Variants in BCO1 observed in about 807,000 individuals in gnomAD.
The protein encoded by BCO1 is beta,beta-carotene 15,15'-dioxygenase.
A neutral mutation model predicts 56.3 loss-of-function variants in BCO1; 54 were observed. The ratio of observed to expected loss-of-function variants is 0.96; its 90% CI spans 0.77 to 1.20. The LOEUF (loss-of-function observed/expected upper bound fraction) is 1.20, where lower values mean the gene tolerates loss of function less well. Ranked by LOEUF, BCO1 falls within the 50% of genes most tolerant of loss-of-function variation. BCO1 has a pLI of 0.00. For synonymous variants in BCO1, 318 were observed against 266.1 expected, an observed-to-expected ratio of 1.20 and a Z score of -1.90; for missense variants, 801 against 690.9, an observed-to-expected ratio of 1.16 and a Z score of -1.79.
chr16:81,260,894 G>A (rs958618171), intron 3 of BCO1, among the ~76,000 whole-genome samples: 1 of 152,188 alleles, frequency 6.6e-6, no homozygotes, highest in Non-Finnish European at 1.5e-5. Context: ...AGGGAATCAG[G>A]CCTGCCATCA....
At chr16:81,270,032 G>C in intron 6 of BCO1, 127 bp from the exon 7 acceptor site, 1 of 1,212,006 alleles carries the variant, frequency 8.3e-7, no homozygotes, top group South Asian at 1.2e-5. Context: ...AGCACACACA[G>C]AATGCAGAAT....
At chr16:81,262,841 A>AAG (rs1555504582) in intron 4 of BCO1, 1 of 132,800 alleles carries the variant, frequency 7.5e-6, no homozygotes, top group African/African-American at 3.0e-5. Flanking sequence ...AAAAACAAAA[A>AAG]AAAAAAAAAA....
intron 9 of BCO1, 48 bp downstream of exon 9, chr16:81,285,682 T>A: frequency 7.3e-7 from 1 of 1,362,178 alleles, no homozygotes; most frequent in Non-Finnish European, 1.1e-6. Flanking sequence ...TGATTGTGTC[T>A]ATATGCAAAG....
intron 2 of BCO1, among the ~76,000 whole-genome samples, chr16:81,250,976 G>A (rs1049300861): frequency 3.3e-5 from 5 of 152,154 alleles, no homozygotes; most frequent in African/African-American, 1.2e-4. Context: ...CTTCCCAGGT[G>A]ACCCCGAGCC....
chr16:81,255,332 G>A (rs1906064255), intron 2 of BCO1, among the ~76,000 whole-genome samples: 2 of 152,146 alleles, frequency 1.3e-5, no homozygotes. Context: ...AACACAAGCT[G>A]CTTAACCTCT....
Position 81,285,641 on chromosome 16 carries a change from G to A in BCO1, c.1302+7G>A. The A allele has an allele frequency of 6.3e-7, 1 of 1,578,448 alleles. No homozygotes were observed. Among genetic ancestry groups the A allele is most frequent in the Non-Finnish European group, 8.7e-7 (1 of 1,147,468 alleles). On this transcript the variant is annotated splice_region_variant and intron_variant, in intron 9 of 10. Coordinates refer to ENST00000258168, the MANE Select transcript of BCO1 (RefSeq NM_017429.3). ...GAGTCCAATCCCAACCAAGGTACTGGTCTCTGTGTATTCACAAGCCTTTCC... is the reference window on the plus strand; with the variant it reads ...GAGTCCAATCCCAACCAAGGTACTGATCTCTGTGTATTCACAAGCCTTTCC...
chr16:81,257,591 G>C (rs1906221183), intron 2 of BCO1, among the ~76,000 whole-genome samples: 1 of 148,192 alleles, frequency 6.7e-6, no homozygotes, highest in African/African-American at 2.5e-5. Flanking sequence ...CATAGCAAAA[G>C]AAACTTCGCA....
chr16:81,243,326 C>A (rs1215106425), intron 1 of BCO1, among the ~76,000 whole-genome samples: 1 of 152,040 alleles, frequency 6.6e-6, no homozygotes, highest in Non-Finnish European at 1.5e-5. Context: ...AGATCAGGAC[C>A]CTTAGTGTGA....
rs28370522 is a variant in BCO1 at position 81,245,515 on chromosome 16, T to C, written c.105T>C (p.Asn35=). The C allele has an allele frequency of 0.33, 538,511 of 1,613,986 alleles. 92,120 individuals carry two copies. Among genetic ancestry groups the C allele is most frequent in the African/African-American group, 0.52 (39,272 of 74,982 alleles). The change falls in exon 2 of 11, where the codon AAT becomes AAC. Residue 35 remains asparagine, a synonymous_variant. Transcript: ENST00000258168. ...GGCTGCAGGGAACCCTGCTCCGCAA[T>C]GGGCCTGGGATGCACACAGTTGGGG... is the stretch of plus-strand genomic sequence containing the variant. ...PAWLQGTLLR[N]GPGMHTVGES... is the part of the protein sequence containing the mutation.
intron 7 of BCO1, among the ~76,000 whole-genome samples, chr16:81,277,611 T>C (rs1907635375): frequency 6.6e-6 from 1 of 152,076 alleles, no homozygotes; most frequent in African/African-American, 2.4e-5. Context: ...GAAAAAGAGG[T>C]CTGCTCGAAT....
intron 4 of BCO1, chr16:81,263,563 C>T (rs1207996940): frequency 6.6e-6 from 1 of 152,190 alleles, no homozygotes; most frequent in African/African-American, 2.4e-5. Flanking sequence ...CACAATTCAA[C>T]CCATAACTCT....
intron 7 of BCO1, among the ~76,000 whole-genome samples, chr16:81,279,381 C>G (rs1032822382): frequency 6.6e-6 from 1 of 152,150 alleles, no homozygotes; most frequent in Non-Finnish European, 1.5e-5. Context: ...TCCTCAATAT[C>G]TTCCAGAGCC....
intron 2 of BCO1, among the ~76,000 whole-genome samples, chr16:81,251,081 C>G (rs1390851991): frequency 1.3e-5 from 2 of 152,302 alleles, no homozygotes; most frequent in East Asian, 1.9e-4. Context: ...TCAGAAGAAC[C>G]ATGGGCTAGT....
At position 81,290,673 on chromosome 16, in the gene BCO1, C is replaced by A; in HGVS notation, c.*96C>A. On this transcript the variant is annotated 3_prime_UTR_variant, in exon 11 of 11. Coordinates refer to ENST00000258168, the MANE Select transcript of BCO1 (RefSeq NM_017429.3). ...AGGGGAGGGCCTTTGTTACCTTTTG[C>A]ACTTATTCTTTCTGTGGGTGCTTTG... 2.1e-6 allele frequency: 2 copies of A among 974,440 alleles called. No individual in the cohort carries two copies. Among genetic ancestry groups the A allele is most frequent in the Non-Finnish European group, 1.6e-6 (1 of 640,980 alleles). The allele number at this position is 974,440 out of a possible 1,614,324, so 60.4% of individuals were successfully genotyped here.
At chr16:81,261,713 T>C (rs140745712) in intron 3 of BCO1, among the ~76,000 whole-genome samples, 2 of 152,274 alleles carry the variant, frequency 1.3e-5, no homozygotes, top group African/African-American at 4.8e-5. Context: ...TGGGACCCAG[T>C]TGCTTTTTCT....
chr16:81,281,923 A>G (rs779141427), intron 8 of BCO1, among the ~76,000 whole-genome samples: 1 of 152,260 alleles, frequency 6.6e-6, no homozygotes, highest in Non-Finnish European at 1.5e-5. Flanking sequence ...GCCCCAGAAT[A>G]TAAGCCCGTG....
chr16:81,243,032 C>T (rs1218277456), intron 1 of BCO1, among the ~76,000 whole-genome samples: 1 of 152,060 alleles, frequency 6.6e-6, no homozygotes, highest in South Asian at 2.1e-4. Context: ...ATATGGAATC[C>T]AGAACAGGCA....
rs144615028 is a variant in BCO1 at position 81,283,320 on chromosome 16, T to G, written c.1208-2220T>G. Reference sequence around the variant, plus strand: ...CCAGGCGCAATGGCAATTACAGGCATTACTCATGCCTGTAATCCCAGCACT... The same window carrying G: ...CCAGGCGCAATGGCAATTACAGGCAGTACTCATGCCTGTAATCCCAGCACT... On this transcript the variant is annotated intron_variant, in intron 8 of 10. Coordinates refer to ENST00000258168, the MANE Select transcript of BCO1 (RefSeq NM_017429.3). 6.5e-3 allele frequency among the ~76,000 whole-genome samples: 995 copies of G among 152,026 alleles called. 30 individuals carry two copies. The highest frequency in any genetic ancestry group is 0.043 in the Admixed American group (650 of 15,258).
At chr16:81,242,845 A>G (rs1411622953) in intron 1 of BCO1, among the ~76,000 whole-genome samples, 1 of 152,006 alleles carries the variant, frequency 6.6e-6, no homozygotes, top group Non-Finnish European at 1.5e-5. Context: ...GTGGCATTAG[A>G]TTCTCATATG....
Sources: gnomAD v4.1 joint callset for allele counts (sites outside exome capture counted in the v4.1 genomes callset) on GRCh38, gnomAD v4.1.1 for gene constraint, MANE v1.5 for transcripts, NCBI Gene and HGNC (gene_info 2026-07-23, HGNC 2026-07-21) for gene names.